The following DTNB variants were observed in gnomAD, a reference collection of about 807,000 sequenced individuals.
The protein encoded by DTNB is DTN-B.
A neutral mutation model predicts 90.7 loss-of-function variants in DTNB; 63 were observed. The observed-to-expected ratio is 0.69, with a 90% confidence interval of 0.57 to 0.86. The LOEUF (loss-of-function observed/expected upper bound fraction) is 0.86, where lower values mean the gene tolerates loss of function less well. Ranked by LOEUF, DTNB falls within the 40% of genes least tolerant of loss-of-function variation. The pLI is 0.00. For synonymous variants in DTNB, 277 were observed against 286.7 expected, an observed-to-expected ratio of 0.97 and a Z score of 0.34; for missense variants, 744 against 807.1, an observed-to-expected ratio of 0.92 and a Z score of 0.95.
chr2:25,470,177 G>C (rs889637034), intron 10 of DTNB, among the ~76,000 whole-genome samples: 1 of 152,154 alleles, frequency 6.6e-6, no homozygotes, highest in Non-Finnish European at 1.5e-5. Flanking sequence ...AGAAATATCA[G>C]TAGTTCTGTC....
intron 5 of DTNB, among the ~76,000 whole-genome samples, chr2:25,600,206 T>C (rs1289138333): frequency 8.5e-5 from 13 of 152,260 alleles, no homozygotes; most frequent in Admixed American, 8.5e-4. Context: ...GCCAGGTGCC[T>C]CAGTATCTTC....
intron 9 of DTNB, among the ~76,000 whole-genome samples, chr2:25,513,730 G>GA (rs1435482282): frequency 1.7e-5 from 1 of 60,498 alleles, no homozygotes; most frequent in East Asian, 4.4e-4. Context: ...CCATCTCAAA[G>GA]AAAAAACAAA....
chr2:25,520,297 G>A (rs185958364), intron 9 of DTNB, among the ~76,000 whole-genome samples: 173 of 152,284 alleles, frequency 1.1e-3, no homozygotes, highest in African/African-American at 3.7e-3. Context: ...GTTTGAATCC[G>A]GGAGGTGGAA....
intron 3 of DTNB, among the ~76,000 whole-genome samples, chr2:25,634,315 C>A (rs1573786816): frequency 7.9e-6 from 1 of 126,146 alleles, no homozygotes; most frequent in Non-Finnish European, 1.6e-5. Flanking sequence ...CGGCCAGCCG[C>A]CCCGTCCGGG....
chr2:25,562,564 G>C (rs2058425912), intron 8 of DTNB, among the ~76,000 whole-genome samples: 2 of 152,172 alleles, frequency 1.3e-5, no homozygotes. Flanking sequence ...TAAGGGTTCT[G>C]ATTTTTCTAC....
At chr2:25,628,016 G>T (rs547282396) in intron 4 of DTNB, among the ~76,000 whole-genome samples, 155 bp downstream of exon 4, 6 of 152,288 alleles carry the variant, frequency 3.9e-5, no homozygotes, top group Admixed American at 1.3e-4. Context: ...GACTACAGCT[G>T]TGAGCTACCG....
At chr2:25,398,536 C>G (rs1177289170) in intron 16 of DTNB, among the ~76,000 whole-genome samples, 1 of 152,130 alleles carries the variant, frequency 6.6e-6, no homozygotes, top group African/African-American at 2.4e-5. Flanking sequence ...TTTCGCCAGG[C>G]CTGAGGCTAA....
chr2:25,588,681 G>A (rs868416273), intron 6 of DTNB, among the ~76,000 whole-genome samples: 3 of 152,060 alleles, frequency 2.0e-5, no homozygotes, highest in Non-Finnish European at 1.5e-5. Context: ...CATTTTAAAT[G>A]ACAACACATG....
chr2:25,487,590 G>A (rs1405168734), intron 9 of DTNB, among the ~76,000 whole-genome samples: 2 of 152,080 alleles, frequency 1.3e-5, no homozygotes, highest in African/African-American at 4.8e-5. Context: ...TGAAGATCAG[G>A]TACTTCTGCC....
At chr2:25,465,548 C>T (rs2061636402) in intron 10 of DTNB, among the ~76,000 whole-genome samples, 1 of 152,138 alleles carries the variant, frequency 6.6e-6, no homozygotes, top group Admixed American at 6.5e-5. Context: ...CCCTTGCTGC[C>T]TCTCCAGCTG....
chr2:25,466,386 T>C (rs1031857532), intron 10 of DTNB, among the ~76,000 whole-genome samples: 1 of 152,140 alleles, frequency 6.6e-6, no homozygotes, highest in African/African-American at 2.4e-5. Flanking sequence ...GTTAACTCAA[T>C]AATTCTGTCA....
intron 9 of DTNB, among the ~76,000 whole-genome samples, chr2:25,505,310 T>C (rs748051079): frequency 1.3e-5 from 2 of 152,172 alleles, no homozygotes; most frequent in African/African-American, 2.4e-5. Flanking sequence ...CATACAAAGG[T>C]TGGGGACAAT....
At chr2:25,558,342 G>A in intron 8 of DTNB, 1 of 985,370 alleles carries the variant, frequency 1.0e-6, no homozygotes, top group Non-Finnish European at 1.2e-6. Flanking sequence ...GGGTCACAGA[G>A]AACACAGTGA....
chr2:25,609,906 T>C (rs2068133918), intron 4 of DTNB, among the ~76,000 whole-genome samples: 1 of 152,074 alleles, frequency 6.6e-6, no homozygotes, highest in Admixed American at 6.6e-5. Context: ...GGAAGCTGCA[T>C]TCACATACAC....
intron 6 of DTNB, among the ~76,000 whole-genome samples, chr2:25,582,643 G>A (rs2061724532): frequency 1.3e-5 from 2 of 152,274 alleles, no homozygotes; most frequent in South Asian, 4.1e-4. Flanking sequence ...GGGAGGAGCT[G>A]AGAACTACGC....
At chr2:25,611,556 T>C (rs2068618410) in intron 4 of DTNB, among the ~76,000 whole-genome samples, 1 of 152,200 alleles carries the variant, frequency 6.6e-6, no homozygotes, top group Admixed American at 6.5e-5. Context: ...CATGGGAATC[T>C]GCAGATACAG....
intron 4 of DTNB, among the ~76,000 whole-genome samples, chr2:25,615,044 A>G (rs1042934037): frequency 2.6e-5 from 4 of 152,308 alleles, no homozygotes; most frequent in African/African-American, 9.6e-5. Context: ...GAACTATAAA[A>G]TTGCGGTTCC....
At chr2:25,409,984 T>C (rs1035169013) in intron 16 of DTNB, among the ~76,000 whole-genome samples, 3 of 152,220 alleles carry the variant, frequency 2.0e-5, no homozygotes, top group East Asian at 1.9e-4. Context: ...CTAACCCAGA[T>C]CATGTCTCTA....
At chr2:25,567,909 C>T (rs989187591) in intron 8 of DTNB, among the ~76,000 whole-genome samples, 1 of 152,086 alleles carries the variant, frequency 6.6e-6, no homozygotes, top group Non-Finnish European at 1.5e-5. Flanking sequence ...GCCTGTAATC[C>T]CAGCACTTTG....
Sources: gnomAD v4.1 joint callset for allele counts (sites outside exome capture counted in the v4.1 genomes callset) on GRCh38, gnomAD v4.1.1 for gene constraint, MANE v1.5 for transcripts, NCBI Gene and HGNC (gene_info 2026-07-23, HGNC 2026-07-21) for gene names.